NKD1: variants seen among roughly 807,000 people sequenced by gnomAD.
The protein encoded by NKD1 is protein naked cuticle homolog 1.
Under a neutral mutation model 56.0 loss-of-function variants are expected in NKD1, and 21 were observed. The observed-to-expected ratio is 0.38, with a 90% CI of 0.27 to 0.54. NKD1 has a LOEUF of 0.54. Ranked by LOEUF, NKD1 falls within the 20% of genes least tolerant of loss-of-function variation. NKD1 has a pLI of 0.82. For missense variants in NKD1, 578 were observed against 642.7 expected (o/e 0.90, Z 1.09); for synonymous variants, 263 against 265.7 (o/e 0.99, Z 0.10).
chr16:50,600,718 G>T (rs1352097017), intron 3 of NKD1, among the ~76,000 whole-genome samples: 1 of 152,192 alleles, frequency 6.6e-6, no homozygotes, highest in Non-Finnish European at 1.5e-5. Context: ...TGAGGTTCAG[G>T]ATTGGGCAAC....
intron 3 of NKD1, among the ~76,000 whole-genome samples, chr16:50,600,282 A>T (rs1375376650): frequency 6.6e-6 from 1 of 152,118 alleles, no homozygotes; most frequent in Non-Finnish European, 1.5e-5. Context: ...CCTAACCTGG[A>T]CAACATAGCG....
intron 3 of NKD1, among the ~76,000 whole-genome samples, chr16:50,576,909 C>T (rs944993740): frequency 6.6e-6 from 1 of 152,186 alleles, no homozygotes; most frequent in Admixed American, 6.5e-5. Context: ...GCATGTGACT[C>T]CCTGCAGTCA....
chr16:50,611,518 G>A (rs956692215), intron 4 of NKD1, among the ~76,000 whole-genome samples: 13 of 152,220 alleles, frequency 8.5e-5, no homozygotes, highest in African/African-American at 1.9e-4. Flanking sequence ...GTGGCAGCCC[G>A]TGGGGTGGTC....
intron 3 of NKD1, chr16:50,571,081 G>C: frequency 1.2e-6 from 1 of 835,766 alleles, no homozygotes; most frequent in South Asian, 5.4e-5. Context: ...TGAAGGGAGA[G>C]CTGAGAGGAA....
chr16:50,554,858 C>T (rs1960468523), intron 3 of NKD1, among the ~76,000 whole-genome samples: 1 of 152,104 alleles, frequency 6.6e-6, no homozygotes, highest in South Asian at 2.1e-4. Flanking sequence ...GGCCTCAAAC[C>T]ATCCTCCCAC....
At chr16:50,600,274 T>C (rs1477413802) in intron 3 of NKD1, among the ~76,000 whole-genome samples, 1 of 151,664 alleles carries the variant, frequency 6.6e-6, no homozygotes, top group African/African-American at 2.4e-5. Context: ...AAAAAACACC[T>C]AACCTGGACA....
At chr16:50,624,956 G>A (rs1191551931) in intron 5 of NKD1, among the ~76,000 whole-genome samples, 1 of 152,214 alleles carries the variant, frequency 6.6e-6, no homozygotes, top group Non-Finnish European at 1.5e-5. Flanking sequence ...GTGGGAGAGA[G>A]GCTGTCATTT....
intron 3 of NKD1, among the ~76,000 whole-genome samples, chr16:50,564,906 C>T (rs1210225613): frequency 2.0e-5 from 3 of 152,226 alleles, no homozygotes; most frequent in Non-Finnish European, 4.4e-5. Flanking sequence ...CACCTCCCAG[C>T]TTCCCCCTTT....
intron 3 of NKD1, among the ~76,000 whole-genome samples, chr16:50,597,316 C>T (rs950009527): frequency 2.0e-5 from 3 of 151,928 alleles, no homozygotes; most frequent in South Asian, 2.1e-4. Context: ...GTTTGGGGGC[C>T]GCCAGGCGTC....
At chr16:50,559,808 G>GC (rs1197662036) in intron 3 of NKD1, among the ~76,000 whole-genome samples, 3 of 152,204 alleles carry the variant, frequency 2.0e-5, no homozygotes, top group Non-Finnish European at 2.9e-5. Context: ...CTGGCCTTGA[G>GC]CATAGAGCTG....
In NKD1 at chr16:50,608,602, G is replaced by A. The variant is rs573667543; in HGVS notation, c.259+242G>A. ...TCACCTAGGTCCATGTCCTGGCCCT[G>A]CACCGGATTAGCTGGGGGATCTCGG... On this transcript the variant is annotated intron_variant, in intron 4 of 9. Coordinates refer to ENST00000268459, the MANE Select transcript of NKD1 (RefSeq NM_033119.5). 3.3e-5 allele frequency among the ~76,000 whole-genome samples: 5 copies of A among 152,286 alleles called. No individual in the cohort carries two copies. The South Asian group carries it at 1.0e-3, about 32-fold the overall frequency.
intron 3 of NKD1, chr16:50,574,393 T>C (rs1960947703): frequency 1.0e-6 from 1 of 985,414 alleles, no homozygotes; most frequent in South Asian, 4.7e-5. Context: ...GCCTCACTGG[T>C]GTCCTGGCTG....
intron 3 of NKD1, chr16:50,571,324 A>C (rs1960878449): frequency 5.1e-6 from 1 of 197,956 alleles, no homozygotes; most frequent in African/African-American, 2.4e-5. Flanking sequence ...GGGGAAGGTC[A>C]GCAATGCAGC....
intron 4 of NKD1, chr16:50,616,172 C>G: frequency 2.3e-6 from 1 of 429,952 alleles, no homozygotes; most frequent in East Asian, 7.3e-5. Flanking sequence ...GGCGAGCATC[C>G]AGACTCTAGC....
intron 4 of NKD1, among the ~76,000 whole-genome samples, chr16:50,612,764 G>A (rs1261792553): frequency 6.6e-6 from 1 of 152,206 alleles, no homozygotes; most frequent in Admixed American, 6.5e-5. Flanking sequence ...GGAGGCCGAT[G>A]TGGCATCAGG....
At position 50,647,530 on chromosome 16, in the gene NKD1, G is replaced by A. The variant is rs1328097164; in HGVS notation, c.*13749G>A. The A allele has an allele frequency of 2.0e-5, 3 of 152,222 alleles. No individual in the cohort carries two copies. Among genetic ancestry groups the A allele is most frequent in the Non-Finnish European group, 4.4e-5 (3 of 68,064 alleles). The allele number at this position is 152,222 out of a possible 1,614,324, so 9.4% of individuals were successfully genotyped here. A position where few individuals can be genotyped will look rare whatever the true frequency, so the allele number is the denominator to read the frequency against. ...AGGTGGTCCTGGGAAAGACAGGGAG[G>A]AGAGTGGGGAAGTGAGGCAGAAAAG... On this transcript the variant is annotated 3_prime_UTR_variant, in exon 10 of 10. Coordinates refer to ENST00000268459, the MANE Select transcript of NKD1 (RefSeq NM_033119.5).
At chr16:50,631,354 G>T (rs1962340390) in intron 8 of NKD1, among the ~76,000 whole-genome samples, 1 of 152,190 alleles carries the variant, frequency 6.6e-6, no homozygotes. Context: ...TGAGGCTGTA[G>T]TTACCTTTCA....
chr16:50,560,629 GTT>G (rs768360893), intron 3 of NKD1, among the ~76,000 whole-genome samples: 1 of 137,714 alleles, frequency 7.3e-6, no homozygotes. Context: ...GTTTAGGCGA[GTT>G]TTTTTTTTTT....
intron 3 of NKD1, among the ~76,000 whole-genome samples, chr16:50,559,265 T>C (rs1458373174): frequency 6.6e-6 from 1 of 152,188 alleles, no homozygotes; most frequent in African/African-American, 2.4e-5. Flanking sequence ...ATCACCTGGA[T>C]GTGTGCTCAG....
Sources: gnomAD v4.1 joint callset for allele counts (sites outside exome capture counted in the v4.1 genomes callset) on GRCh38, gnomAD v4.1.1 for gene constraint, MANE v1.5 for transcripts, NCBI Gene and HGNC (gene_info 2026-07-23, HGNC 2026-07-21) for gene names.